DGAT2L6: variants seen among roughly 807,000 people sequenced by gnomAD.
The protein encoded by DGAT2L6 is diacylglycerol O-acyltransferase 2-like protein 6.
A neutral mutation model predicts 25.5 loss-of-function variants in DGAT2L6; 22 were observed. The ratio of observed to expected loss-of-function variants is 0.86; its 90% CI spans 0.62 to 1.23. The LOEUF is 1.23. DGAT2L6 is among the 50% of genes most tolerant of loss of function. The pLI is 0.00. For synonymous variants in DGAT2L6, 100 were observed against 94.7 expected (o/e 1.06, Z -0.32); for missense variants, 287 against 253.2 (o/e 1.13, Z -0.91).
rs2085425701 is a variant in DGAT2L6 at position 70,205,353 on chromosome X, T to G, written c.*247T>G. On this transcript the variant is annotated 3_prime_UTR_variant, in exon 7 of 7. Transcript: ENST00000333026. ...GGGAGGGCTGGCTAGCCAGAGGAGT[T>G]GGCTGTATCACCCCTGGTTATTTTA... 2 of 300,337 alleles carry G rather than the reference T, an allele frequency of 6.7e-6. No homozygotes were observed. Among genetic ancestry groups the G allele is most frequent in the Non-Finnish European group, 1.1e-5 (2 of 176,528 alleles). The allele number at this position is 300,337 out of a possible 1,213,427, so 24.8% of individuals were successfully genotyped here.
chrX:70,197,586 A>G (rs971212744), intron 1 of DGAT2L6, among the ~76,000 whole-genome samples: 1 of 112,690 alleles, frequency 8.9e-6, no homozygotes, highest in African/African-American at 3.2e-5. Context: ...CAAGTTTACT[A>G]CTGAAAAGAG....
intron 4 of DGAT2L6, among the ~76,000 whole-genome samples, chrX:70,200,826 C>T (rs1048708050): frequency 3.6e-5 from 4 of 111,937 alleles, no homozygotes; most frequent in African/African-American, 1.3e-4. Flanking sequence ...CGAACTTCAC[C>T]AGGCTCTCTC....
rs2085423964 is a variant in DGAT2L6, at chrX:70,204,986, G to T, written c.894G>T (p.Arg298Ser). ...GEPLPIPRIK[R>S]PNQKTVDKYH... ...CCCTTCCAATTCCCAGGATTAAGAG[G>T]CCAAACCAGAAGACAGTAGACAAGT... The change falls in exon 7 of 7, where the codon AGG becomes AGT. Residue 298 changes from arginine to serine, a missense_variant. By Grantham distance (110) the Arg-to-Ser change is moderately radical. Transcript: ENST00000333026. 1 of 1,195,723 alleles carries T rather than the reference G, an allele frequency of 8.4e-7. No homozygotes were observed. Among genetic ancestry groups the T allele is most frequent in the Non-Finnish European group, 1.1e-6 (1 of 889,897 alleles).
rs1223047196 is a variant in DGAT2L6, at chrX:70,200,276, T to C, written c.289T>C (p.Ser97Pro). The C allele has an allele frequency of 1.7e-6, 2 of 1,211,236 alleles. No individual in the cohort carries two copies. Among genetic ancestry groups the C allele is most frequent in the African/African-American group, 1.7e-5 (1 of 57,672 alleles). Residue 97 changes from serine (S) to proline (P), a missense_variant, in exon 4 of 7, where the codon TCT becomes CCT. Ser to Pro is a moderately conservative substitution (Grantham distance 74, BLOSUM62 -1). Transcript: ENST00000333026. Reference sequence around the variant, plus strand: ...ACAGCTGGTGAAGACTCATGATCTTTCTCCCAAACACAACTACATCATTGC... The same window carrying C: ...ACAGCTGGTGAAGACTCATGATCTTCCTCCCAAACACAACTACATCATTGC... ...PVKLVKTHDL[S>P]PKHNYIIANH... is the part of the protein sequence containing the mutation.
At chrX:70,189,095 C>T (rs906438988) in intron 1 of DGAT2L6, among the ~76,000 whole-genome samples, 1 of 109,383 alleles carries the variant, frequency 9.1e-6, no homozygotes, top group Admixed American at 9.8e-5. Context: ...TTGTATTCAA[C>T]GGTATGCTAA....
At chrX:70,200,107 C>G (rs2085404775) in intron 3 of DGAT2L6, 148 bp from the exon 4 acceptor site, 2 of 656,552 alleles carry the variant, frequency 3.0e-6, no homozygotes, top group African/African-American at 4.4e-5. Context: ...ATCGTGAGCC[C>G]TGGCAATCCT....
At position 70,177,612 on chromosome X, in the gene DGAT2L6, G is replaced by C. The variant is rs1308306005; in HGVS notation, c.30G>C (p.Gln10His). MAFFSRLNL[Q>H]EGLQTFFVLQ... is the part of the protein sequence containing the mutation. ...CTTTCTTCTCCCGACTGAATCTCCAGGAGGGCCTCCAAACCTTCTTTGTTT... is the reference window on the plus strand; with the variant it reads ...CTTTCTTCTCCCGACTGAATCTCCACGAGGGCCTCCAAACCTTCTTTGTTT... Residue 10 changes from glutamine (Q) to histidine (H), a missense_variant, in exon 1 of 7, where the codon CAG becomes CAC. Physicochemically the swap from Gln to His is conservative, Grantham distance 24. Coordinates refer to ENST00000333026, the MANE Select transcript of DGAT2L6 (RefSeq NM_198512.3). 3 of 1,209,520 alleles carry C rather than the reference G, an allele frequency of 2.5e-6. No individual in the cohort carries two copies. The highest frequency in any genetic ancestry group is 2.2e-6 in the Non-Finnish European group (2 of 894,743).
intron 1 of DGAT2L6, among the ~76,000 whole-genome samples, chrX:70,191,443 G>T (rs1387348307): frequency 9.0e-6 from 1 of 110,818 alleles, no homozygotes; most frequent in Non-Finnish European, 1.9e-5. Flanking sequence ...CACAAAGATA[G>T]GTAATTTGAA....
intron 1 of DGAT2L6, among the ~76,000 whole-genome samples, chrX:70,192,223 G>T (rs1453397219): frequency 8.9e-6 from 1 of 111,955 alleles, no homozygotes; most frequent in East Asian, 2.8e-4. Context: ...CTGCACTTCA[G>T]CATAGGTGAC....
At chrX:70,185,647 A>G (rs1392468194) in intron 1 of DGAT2L6, among the ~76,000 whole-genome samples, 1 of 111,313 alleles carries the variant, frequency 9.0e-6, no homozygotes, top group Non-Finnish European at 1.9e-5. Context: ...CATCATTTCC[A>G]TATTTACTCC....
intron 4 of DGAT2L6, among the ~76,000 whole-genome samples, chrX:70,201,493 G>A (rs1024959102): frequency 2.7e-5 from 3 of 111,621 alleles, no homozygotes; most frequent in Non-Finnish European, 3.8e-5. Flanking sequence ...GTGGTGGCTA[G>A]TCTCGATTAC....
chrX:70,193,878 G>A (rs5936547), intron 1 of DGAT2L6, among the ~76,000 whole-genome samples: 7,511 of 111,451 alleles, frequency 0.067, 264 homozygotes, highest in Middle Eastern at 0.14. Flanking sequence ...ATTCAACACA[G>A]TACTGGATGT....
In DGAT2L6 at chrX:70,178,679, C is replaced by T. The variant is rs746183788; in HGVS notation, c.85+1012C>T. Among the ~76,000 whole-genome samples the T allele has an allele frequency of 8.1e-5, 9 of 111,711 alleles. No individual in the cohort carries two copies. The South Asian group carries it at 2.3e-3, about 28-fold the overall frequency. On this transcript the variant is annotated intron_variant, in intron 1 of 6. Coordinates refer to ENST00000333026, the MANE Select transcript of DGAT2L6 (RefSeq NM_198512.3). The stretch of plus-strand genomic sequence containing the variant: ...CTATATGACCCTTAGAGCAGAGGCT[C>T]TCAACCAGGGTCCTATAGACCAAAA...
intron 1 of DGAT2L6, among the ~76,000 whole-genome samples, chrX:70,180,217 G>A (rs896474833): frequency 3.6e-5 from 4 of 111,192 alleles, no homozygotes; most frequent in African/African-American, 6.6e-5. Flanking sequence ...TTGGGAGGCC[G>A]AGGCGGGTGG....
intron 1 of DGAT2L6, among the ~76,000 whole-genome samples, chrX:70,188,097 G>A (rs770932312): frequency 4.1e-4 from 46 of 111,901 alleles, no homozygotes; most frequent in Admixed American, 1.8e-3. Context: ...ATTAATCTAT[G>A]GGCTAAGTGA....
intron 1 of DGAT2L6, among the ~76,000 whole-genome samples, chrX:70,194,228 T>C (rs2085384098): frequency 9.0e-6 from 1 of 111,179 alleles, no homozygotes; most frequent in African/African-American, 3.3e-5. Flanking sequence ...CTGTAAGACA[T>C]TGAAAAAAAT....
intron 1 of DGAT2L6, among the ~76,000 whole-genome samples, chrX:70,198,889 T>A (rs2085400257): frequency 8.9e-6 from 1 of 112,250 alleles, no homozygotes; most frequent in Non-Finnish European, 1.9e-5. Flanking sequence ...TGCAGACTTA[T>A]CAGTTCAGCA....
chrX:70,182,992 C>T (rs1234112846), intron 1 of DGAT2L6, among the ~76,000 whole-genome samples: 6 of 110,044 alleles, frequency 5.5e-5, no homozygotes, highest in Non-Finnish European at 1.1e-4. Context: ...AGGGTTTTGC[C>T]ACGTTGGCCA....
intron 5 of DGAT2L6, among the ~76,000 whole-genome samples, chrX:70,203,916 G>A (rs993454775): frequency 2.7e-5 from 3 of 110,220 alleles, no homozygotes; most frequent in African/African-American, 9.9e-5. Context: ...GAAAGAGTGG[G>A]GAAAGGGAAA....
Sources: allele counts gnomAD v4.1 joint callset (sites outside exome capture counted in the v4.1 genomes callset), GRCh38; gene constraint gnomAD v4.1.1; transcripts MANE v1.5; gene names NCBI Gene and HGNC (gene_info 2026-07-23, HGNC 2026-07-21).